ACYP2: variants seen among roughly 807,000 people sequenced by gnomAD.
ACYP2 encodes the protein acylphosphatase-2.
A neutral mutation model predicts 11.2 loss-of-function variants in ACYP2; 12 were observed. The observed-to-expected ratio is 1.08, with a 90% CI of 0.69 to 1.74. The LOEUF is 1.74. Among genes scored for constraint, ACYP2 ranks in the 40% most tolerant of loss-of-function variants. ACYP2 has a pLI of 0.00. For synonymous variants in ACYP2, 43 were observed against 32.2 expected (o/e 1.33, Z -1.13); for missense variants, 134 against 101.9 (o/e 1.31, Z -1.35).
intron 2 of ACYP2, among the ~76,000 whole-genome samples, chr2:54,029,245 A>T (rs1186485346): frequency 6.6e-6 from 1 of 151,970 alleles, no homozygotes; most frequent in Non-Finnish European, 1.5e-5. Flanking sequence ...TTTTCCCTTC[A>T]CTCCTACAAA....
chr2:54,219,102 A>G (rs144622619), intron 6 of ACYP2, among the ~76,000 whole-genome samples: 11 of 152,302 alleles, frequency 7.2e-5, no homozygotes, highest in African/African-American at 2.6e-4. Flanking sequence ...GATTTCAACA[A>G]ATCAAGACAA....
chr2:54,252,477 G>C (rs1304941907), intron 6 of ACYP2, among the ~76,000 whole-genome samples: 2 of 152,126 alleles, frequency 1.3e-5, no homozygotes, highest in Admixed American at 1.3e-4. Flanking sequence ...TAAAGTATCT[G>C]TACAAAGCTG....
intron 4 of ACYP2, among the ~76,000 whole-genome samples, chr2:54,122,151 A>G (rs1355480154): frequency 1.3e-5 from 2 of 152,218 alleles, no homozygotes; most frequent in Admixed American, 1.3e-4. Flanking sequence ...TGCATTCAAA[A>G]TTGACACATG....
At chr2:54,154,703 A>G (rs943311447) in intron 6 of ACYP2, among the ~76,000 whole-genome samples, 5 of 152,126 alleles carry the variant, frequency 3.3e-5, no homozygotes, top group African/African-American at 1.2e-4. Flanking sequence ...TTTTGCATCT[A>G]TGTTCATCAG....
chr2:54,077,378 T>C (rs1486929815), intron 4 of ACYP2, among the ~76,000 whole-genome samples: 1 of 152,214 alleles, frequency 6.6e-6, no homozygotes, highest in Non-Finnish European at 1.5e-5. Context: ...TTGTTTAACA[T>C]TTTATTTTTA....
At chr2:54,262,320 CTTATT>C (rs1558652785) in intron 6 of ACYP2, among the ~76,000 whole-genome samples, 2 of 152,162 alleles carry the variant, frequency 1.3e-5, no homozygotes, top group African/African-American at 2.4e-5. Flanking sequence ...ATACCAGACT[CTTATT>C]TTAAAAGTGT....
intron 6 of ACYP2, among the ~76,000 whole-genome samples, chr2:54,238,174 C>G (rs1001105749): frequency 1.3e-5 from 2 of 152,204 alleles, no homozygotes; most frequent in African/African-American, 4.8e-5. Flanking sequence ...ATATTGTTCT[C>G]TAACTCTTTA....
chr2:54,135,376 T>A, intron 4 of ACYP2, 77 bp from the exon 2 acceptor site: 2 of 1,426,796 alleles, frequency 1.4e-6, no homozygotes, highest in Admixed American at 1.9e-5. Flanking sequence ...ACCACCTAGA[T>A]AAAAGTTAAG....
chr2:53,996,903 T>G (rs1672598413), intron 2 of ACYP2, among the ~76,000 whole-genome samples: 2 of 152,188 alleles, frequency 1.3e-5, no homozygotes, highest in African/African-American at 4.8e-5. Flanking sequence ...ACCTTGTCAG[T>G]CTTTTGCTCA....
Position 54,304,880 on chromosome 2 carries a change from C to A in ACYP2, c.*78C>A. 16 of 707,380 alleles carry A rather than the reference C, an allele frequency of 2.3e-5. No homozygotes were observed. The highest frequency in any genetic ancestry group is 3.0e-5 in the Admixed American group (1 of 33,060). The allele number at this position is 707,380 out of a possible 1,614,324, so 43.8% of individuals were successfully genotyped here. ...ACTATGTATACTAGAATAATAGTAG[C>A]AGAGTAGGGTGAAAAGGAACTTTCT... On this transcript the variant is annotated 3_prime_UTR_variant, in exon 7 of 7. Transcript: ENST00000607452.
rs572771144 is a variant in ACYP2 at position 54,012,062 on chromosome 2, C to T, written c.62+38252C>T. On this transcript the variant is annotated intron_variant, in intron 2 of 6. Transcript: ENST00000607452. ...ACCAGCTTGGCCAACATGGTGAAAC[C>T]GCATCTCTACTAAAAAAACAAAAAT... Among the ~76,000 whole-genome samples, 3 of 152,014 alleles carry T rather than the reference C, an allele frequency of 2.0e-5. No homozygotes were observed. In the East Asian group the frequency reaches 5.8e-4, roughly 29 times the overall value.
chr2:54,276,619 TCACACACACACACACACACACA>T (rs3071186), intron 6 of ACYP2, among the ~76,000 whole-genome samples: 10 of 146,108 alleles, frequency 6.8e-5, no homozygotes, highest in East Asian at 2.0e-4. Context: ...GATTGTTCTT[TCACACACACACACACACACACA>T]CACACACACA....
intron 6 of ACYP2, among the ~76,000 whole-genome samples, chr2:54,208,263 C>T (rs904409509): frequency 6.6e-6 from 1 of 151,734 alleles, no homozygotes; most frequent in Admixed American, 6.6e-5. Flanking sequence ...CTCCCCTCTT[C>T]TTCCCTCTGT....
At chr2:53,986,147 A>T (rs997873943) in intron 2 of ACYP2, among the ~76,000 whole-genome samples, 15 of 151,626 alleles carry the variant, frequency 9.9e-5, no homozygotes, top group South Asian at 8.3e-4. Flanking sequence ...ATAATAATAA[A>T]AATAAATAAA....
intron 6 of ACYP2, among the ~76,000 whole-genome samples, chr2:54,198,430 G>A (rs1684608627): frequency 6.6e-6 from 1 of 152,052 alleles, no homozygotes; most frequent in Admixed American, 6.5e-5. Flanking sequence ...TTCCCACAGG[G>A]CCAGCTACAT....
intron 6 of ACYP2, among the ~76,000 whole-genome samples, chr2:54,216,741 T>C (rs1451905475): frequency 2.0e-5 from 3 of 152,300 alleles, no homozygotes; most frequent in African/African-American, 7.2e-5. Flanking sequence ...TTTACCATGT[T>C]GGCCAGGCTA....
chr2:54,112,057 T>C (rs1271204771), intron 4 of ACYP2, among the ~76,000 whole-genome samples: 1 of 152,210 alleles, frequency 6.6e-6, no homozygotes, highest in African/African-American at 2.4e-5. Context: ...TATGTATTAT[T>C]GTCATATATA....
In ACYP2 at chr2:54,006,138, G is replaced by A. The variant is rs1309496522; in HGVS notation, c.62+32328G>A. Among the ~76,000 whole-genome samples, 6 of 151,908 alleles carry A rather than the reference G, an allele frequency of 3.9e-5. No homozygotes were observed. In the East Asian group the frequency reaches 1.2e-3, roughly 29 times the overall value. ...AGCTGGGACTACAGGTATGCACCATGTCCAGCTAATTTTCTAATTTTTTTT... is the reference window on the plus strand; with the variant it reads ...AGCTGGGACTACAGGTATGCACCATATCCAGCTAATTTTCTAATTTTTTTT... On this transcript the variant is annotated intron_variant, in intron 2 of 6. Coordinates refer to ENST00000607452, the MANE Select transcript of ACYP2 (RefSeq NM_001320586.2).
intron 3 of ACYP2, chr2:54,057,213 A>G (rs746256539): frequency 7.5e-6 from 3 of 397,478 alleles, no homozygotes; most frequent in Non-Finnish European, 1.3e-5. Flanking sequence ...ACTTTTTCTT[A>G]CTGTTCTCAC....
Sources: allele counts gnomAD v4.1 joint callset (sites outside exome capture counted in the v4.1 genomes callset), GRCh38; gene constraint gnomAD v4.1.1; transcripts MANE v1.5; gene names NCBI Gene and HGNC (gene_info 2026-07-23, HGNC 2026-07-21).